Variants in ANTXR1 observed in about 807,000 individuals in gnomAD.
ANTXR1 encodes ANTXR cell adhesion molecule 1, also known as anthrax toxin receptor 1.
A neutral mutation model predicts 78.1 loss-of-function variants in ANTXR1; 19 were observed. The ratio of observed to expected loss-of-function variants is 0.24; its 90% CI spans 0.17 to 0.36. ANTXR1 has a LOEUF of 0.36. Among genes scored for constraint, ANTXR1 ranks in the 10% least tolerant of loss-of-function variants. The pLI is 1.00. For synonymous variants in ANTXR1, 273 were observed against 260.5 expected (o/e 1.05, Z -0.46); for missense variants, 518 against 718.6 (o/e 0.72, Z 3.19).
intron 3 of ANTXR1, among the ~76,000 whole-genome samples, chr2:69,062,847 T>TG (rs34102064): frequency 1.3e-4 from 19 of 151,668 alleles, no homozygotes; most frequent in South Asian, 6.3e-4. Flanking sequence ...GTGAATACAA[T>TG]GGGGGGGAAG....
intron 17 of ANTXR1, among the ~76,000 whole-genome samples, chr2:69,223,011 G>T (rs560736303): frequency 3.7e-4 from 56 of 152,298 alleles, no homozygotes; most frequent in African/African-American, 1.0e-3. Flanking sequence ...TCAGAAAGAG[G>T]CTCTTTACTA....
intron 3 of ANTXR1, among the ~76,000 whole-genome samples, chr2:69,054,964 A>G (rs1191916627): frequency 6.6e-6 from 1 of 152,188 alleles, no homozygotes; most frequent in Admixed American, 6.5e-5. Context: ...GTCTGAGTCC[A>G]TAGGCAAGTG....
At chr2:69,126,480 G>C (rs1672544387) in intron 12 of ANTXR1, among the ~76,000 whole-genome samples, 1 of 151,968 alleles carries the variant, frequency 6.6e-6, no homozygotes, top group South Asian at 2.1e-4. Context: ...GACCCTTCTG[G>C]GACCTGCCAA....
chr2:69,126,027 C>T (rs1672524026), intron 12 of ANTXR1, among the ~76,000 whole-genome samples: 1 of 152,168 alleles, frequency 6.6e-6, no homozygotes, highest in African/African-American at 2.4e-5. Context: ...CCTTTGGAAG[C>T]TGTGTTGTTA....
chr2:69,173,964 G>A (rs1173921715), intron 14 of ANTXR1, among the ~76,000 whole-genome samples: 2 of 152,196 alleles, frequency 1.3e-5, no homozygotes, highest in Non-Finnish European at 2.9e-5. Context: ...CTGGACAGAT[G>A]ACTAGTACAT....
intron 17 of ANTXR1, among the ~76,000 whole-genome samples, chr2:69,209,635 C>T (rs762984969): frequency 2.6e-5 from 4 of 152,106 alleles, no homozygotes; most frequent in Non-Finnish European, 4.4e-5. Context: ...TCTAAAGAGG[C>T]GACATTGAAG....
At chr2:69,036,462 C>T (rs1003392810) in intron 1 of ANTXR1, among the ~76,000 whole-genome samples, 13 of 152,138 alleles carry the variant, frequency 8.5e-5, no homozygotes, top group South Asian at 2.1e-4. Flanking sequence ...ATCAAATACT[C>T]GGTCTTACTC....
At chr2:69,057,058 A>AT (rs144192548) in intron 3 of ANTXR1, among the ~76,000 whole-genome samples, 7,616 of 151,784 alleles carry the variant, frequency 0.05, 583 homozygotes, top group African/African-American at 0.17. Flanking sequence ...TGTTTTTGAG[A>AT]TTTTTTTTGT....
At chr2:69,157,669 T>C (rs1673563474) in intron 13 of ANTXR1, among the ~76,000 whole-genome samples, 1 of 152,206 alleles carries the variant, frequency 6.6e-6, no homozygotes, top group African/African-American at 2.4e-5. Context: ...TCACACCTTC[T>C]ACTCCAGCAC....
chr2:69,196,405 C>G (rs377266183), intron 17 of ANTXR1, among the ~76,000 whole-genome samples: 20 of 152,242 alleles, frequency 1.3e-4, no homozygotes, highest in African/African-American at 4.8e-4. Flanking sequence ...TCCTTGTTGC[C>G]GTGGCAACAG....
At chr2:69,040,849 C>A (rs1669595121) in intron 2 of ANTXR1, among the ~76,000 whole-genome samples, 1 of 152,184 alleles carries the variant, frequency 6.6e-6, no homozygotes, top group African/African-American at 2.4e-5. Flanking sequence ...TAAGTTCTAA[C>A]ACAGCTCCAC....
At position 69,182,513 on chromosome 2, in the gene ANTXR1, C is replaced by A; in HGVS notation, c.1206C>A (p.Gly402=). The change falls in exon 16 of 18, where the codon GGC becomes GGA. Residue 402 remains glycine (G), a synonymous_variant. Coordinates refer to ENST00000303714, the MANE Select transcript of ANTXR1 (RefSeq NM_032208.3). The part of the protein sequence containing the change: ...KRMEVRWGEK[G]STEEGAKLEK... ...TTTAGGTTCGTTGGGGAGAAAAGGG[C>A]TCCACAGAAGAAGGTGCTAAGTTGG... The A allele has an allele frequency of 6.2e-7, 1 of 1,614,146 alleles. No individual in the cohort carries two copies. The highest frequency in any genetic ancestry group is 8.5e-7 in the Non-Finnish European group (1 of 1,180,032).
At chr2:69,026,556 A>G (rs1671350012) in intron 1 of ANTXR1, among the ~76,000 whole-genome samples, 1 of 152,250 alleles carries the variant, frequency 6.6e-6, no homozygotes, top group South Asian at 2.1e-4. Flanking sequence ...AGGACCAACC[A>G]GGCACTCAAA....
chr2:69,207,946 T>C (rs1674949127), intron 17 of ANTXR1, among the ~76,000 whole-genome samples: 1 of 152,154 alleles, frequency 6.6e-6, no homozygotes, highest in African/African-American at 2.4e-5. Flanking sequence ...GGGAAGTGCA[T>C]GCTGATTGGT....
chr2:69,145,197 G>C, intron 12 of ANTXR1: 1 of 903,124 alleles, frequency 1.1e-6, no homozygotes, highest in East Asian at 2.7e-5. Flanking sequence ...CAGAGGCAGA[G>C]TTACGGGGGG....
rs767436622 is a variant in ANTXR1 at position 69,044,730 on chromosome 2, T to C, written c.225-12T>C. 1.1e-5 allele frequency: 18 copies of C among 1,613,726 alleles called. No individual in the cohort carries two copies. Among genetic ancestry groups the C allele is most frequent in the East Asian group, 6.7e-5 (3 of 44,872 alleles). ...TATTGTCTGTCCTAATAGAGCTTCT[T>C]TTCCTTTCCAGCCCACAGTTGAGAA... On this transcript the variant is annotated splice_polypyrimidine_tract_variant and intron_variant, in intron 2 of 17. Transcript: ENST00000303714.
intron 17 of ANTXR1, among the ~76,000 whole-genome samples, chr2:69,197,071 G>A (rs947892998): frequency 1.3e-5 from 2 of 152,172 alleles, no homozygotes; most frequent in East Asian, 1.9e-4. Flanking sequence ...GGGAACACGA[G>A]TGTTTTCCAT....
intron 13 of ANTXR1, among the ~76,000 whole-genome samples, chr2:69,164,627 A>G (rs1267740547): frequency 6.6e-6 from 1 of 152,222 alleles, no homozygotes; most frequent in Non-Finnish European, 1.5e-5. Flanking sequence ...GATAAGATCC[A>G]TGTCCCTAAT....
At chr2:69,039,358 C>A (rs938166890) in intron 1 of ANTXR1, among the ~76,000 whole-genome samples, 1 of 152,172 alleles carries the variant, frequency 6.6e-6, no homozygotes, top group African/African-American at 2.4e-5. Flanking sequence ...TCTCATGATT[C>A]CGTATGTCCT....
Sources: gnomAD v4.1 joint callset for allele counts (sites outside exome capture counted in the v4.1 genomes callset) on GRCh38, gnomAD v4.1.1 for gene constraint, MANE v1.5 for transcripts, NCBI Gene and HGNC (gene_info 2026-07-23, HGNC 2026-07-21) for gene names.